The following LTBP1 variants were observed in gnomAD, a reference collection of about 807,000 sequenced individuals.
LTBP1 encodes latent transforming growth factor beta binding protein 1.
Under a neutral mutation model 207.6 loss-of-function variants are expected in LTBP1, and 129 were observed. That is an observed-to-expected ratio of 0.62 (90% CI 0.54 to 0.72). LTBP1 has a LOEUF of 0.72. LTBP1 is among the 30% of genes least tolerant of loss of function. The pLI, the probability that LTBP1 is intolerant of heterozygous loss-of-function variation, is 0.00. For synonymous variants in LTBP1, 963 were observed against 833.7 expected (o/e 1.16, Z -2.67); for missense variants, 2,281 against 2,217.2 (o/e 1.03, Z -0.58).
chr2:33,008,414 T>G (rs1013216247), intron 2 of LTBP1, among the ~76,000 whole-genome samples: 3 of 152,160 alleles, frequency 2.0e-5, no homozygotes, highest in African/African-American at 7.2e-5. Context: ...ATTTCTTTTT[T>G]AAAAAAATAT....
intron 3 of LTBP1, among the ~76,000 whole-genome samples, chr2:33,054,880 C>G (rs905825078): frequency 3.3e-5 from 5 of 152,188 alleles, no homozygotes; most frequent in African/African-American, 1.2e-4. Context: ...GAACCTTCAT[C>G]CTCTGGAGCA....
intron 9 of LTBP1, among the ~76,000 whole-genome samples, chr2:33,237,713 A>G (rs974118871): frequency 8.5e-5 from 13 of 152,178 alleles, no homozygotes; most frequent in Non-Finnish European, 1.9e-4. Context: ...TGGGGTTGAT[A>G]TATTTGTGAA....
intron 4 of LTBP1, among the ~76,000 whole-genome samples, chr2:33,124,967 GA>G (rs2081347115): frequency 6.6e-6 from 1 of 152,192 alleles, no homozygotes; most frequent in East Asian, 1.9e-4. Context: ...TTGTCTTCCA[GA>G]TAAAGATCTT....
At chr2:33,339,550 A>G (rs1030819875) in intron 24 of LTBP1, among the ~76,000 whole-genome samples, 9 of 152,200 alleles carry the variant, frequency 5.9e-5, no homozygotes, top group Non-Finnish European at 1.3e-4. Context: ...TCATGCTGAC[A>G]TTGAAAATCA....
rs138124833 is a variant in LTBP1 at position 33,019,598 on chromosome 2, G to A, written c.566-1311G>A. 4.4e-3 allele frequency among the ~76,000 whole-genome samples: 667 copies of A among 152,186 alleles called. 8 individuals are homozygous for A. The highest frequency in any genetic ancestry group is 0.015 in the African/African-American group (618 of 41,528). ...GATCCACCGGGCTCCGTCTCCCAAA[G>A]TGCTAGGATTACAGGCGTGAGCCAC... On this transcript the variant is annotated intron_variant, in intron 2 of 33. Coordinates refer to ENST00000404816, the MANE Select transcript of LTBP1 (RefSeq NM_206943.4).
chr2:32,989,639 C>T (rs1684105965), intron 2 of LTBP1, among the ~76,000 whole-genome samples: 1 of 152,132 alleles, frequency 6.6e-6, no homozygotes, highest in Non-Finnish European at 1.5e-5. Flanking sequence ...GTCCCTTTCT[C>T]CTTTCAGTGC....
At chr2:33,050,882 C>T (rs2076702838) in intron 3 of LTBP1, among the ~76,000 whole-genome samples, 1 of 152,058 alleles carries the variant, frequency 6.6e-6, no homozygotes, top group Admixed American at 6.5e-5. Flanking sequence ...TACAGGCGGG[C>T]ATCACCATGC....
chr2:32,953,915 C>T (rs1246025535), intron 2 of LTBP1, among the ~76,000 whole-genome samples: 1 of 152,192 alleles, frequency 6.6e-6, no homozygotes, highest in Non-Finnish European at 1.5e-5. Flanking sequence ...AGTGTGAGGG[C>T]TATGTCACCA....
chr2:33,216,671 G>A (rs1052270480), intron 7 of LTBP1, among the ~76,000 whole-genome samples: 3 of 152,240 alleles, frequency 2.0e-5, no homozygotes, highest in Non-Finnish European at 2.9e-5. Context: ...AGACAAAAAT[G>A]TGGGGTGTGT....
At chr2:33,012,376 A>G (rs1358077568) in intron 2 of LTBP1, among the ~76,000 whole-genome samples, 2 of 152,182 alleles carry the variant, frequency 1.3e-5, no homozygotes, top group South Asian at 4.2e-4. Context: ...GGAGGTGTGT[A>G]GTCACATTTT....
At position 33,309,519 on chromosome 2, in the gene LTBP1, G is replaced by A. The variant is rs766781586; in HGVS notation, c.3567G>A (p.Pro1189=). 14 of 1,609,394 alleles carry A rather than the reference G, an allele frequency of 8.7e-6. No individual in the cohort carries two copies. The highest frequency in any genetic ancestry group is 4.4e-5 in the South Asian group (4 of 89,986). The change falls in exon 23 of 34, where the codon CCG becomes CCA. Residue 1189 remains proline (P), a synonymous_variant. Transcript: ENST00000404816. Reference sequence around the variant, plus strand: ...CAGGGTCCTATGATTGTACTTGTCCGGATGGATTTCAGCTAGATGACAATA... The same window carrying A: ...CAGGGTCCTATGATTGTACTTGTCCAGATGGATTTCAGCTAGATGACAATA... The part of the protein sequence containing the change: ...NTAGSYDCTC[P]DGFQLDDNKT...
At chr2:33,138,640 C>G (rs1396978801) in intron 5 of LTBP1, among the ~76,000 whole-genome samples, 2 of 151,996 alleles carry the variant, frequency 1.3e-5, no homozygotes, top group Non-Finnish European at 2.9e-5. Flanking sequence ...GTTCCTCTGA[C>G]AAGAAGAACA....
chr2:33,230,319 A>T (rs1435489956), intron 9 of LTBP1, among the ~76,000 whole-genome samples: 3 of 152,316 alleles, frequency 2.0e-5, no homozygotes, highest in East Asian at 3.9e-4. Flanking sequence ...AACCAACTGT[A>T]TACATGTTAA....
intron 24 of LTBP1, among the ~76,000 whole-genome samples, chr2:33,327,154 G>C (rs564183530): frequency 1.3e-5 from 2 of 152,300 alleles, no homozygotes; most frequent in South Asian, 4.1e-4. Context: ...TGGGAAGGGG[G>C]TGAGTCCAGT....
chr2:32,993,817 C>G (rs970656450), intron 2 of LTBP1, among the ~76,000 whole-genome samples: 4 of 152,188 alleles, frequency 2.6e-5, no homozygotes, highest in African/African-American at 9.7e-5. Context: ...TTGGAACCAG[C>G]TCAGGGTCAC....
intron 5 of LTBP1, among the ~76,000 whole-genome samples, chr2:33,172,656 A>C (rs2085578753): frequency 6.6e-6 from 1 of 152,212 alleles, no homozygotes; most frequent in East Asian, 1.9e-4. Flanking sequence ...AAGCAGACCT[A>C]ATAGACATCT....
chr2:33,309,018 C>G (rs1377732824), intron 22 of LTBP1, among the ~76,000 whole-genome samples: 5 of 152,090 alleles, frequency 3.3e-5, no homozygotes, highest in African/African-American at 1.2e-4. Context: ...TGTGGTGGCT[C>G]ATGTCTGTAA....
At chr2:33,215,564 A>C (rs1238625899) in intron 7 of LTBP1, among the ~76,000 whole-genome samples, 2 of 152,158 alleles carry the variant, frequency 1.3e-5, no homozygotes, top group Non-Finnish European at 2.9e-5. Context: ...TGGACCTGGC[A>C]GAAAAGAAAC....
At chr2:33,042,374 G>A (rs1411522668) in intron 3 of LTBP1, among the ~76,000 whole-genome samples, 1 of 152,200 alleles carries the variant, frequency 6.6e-6, no homozygotes, top group Non-Finnish European at 1.5e-5. Context: ...TGGGGCAAGA[G>A]TGATGAAGAT....
Sources: gnomAD v4.1 joint callset for allele counts (sites outside exome capture counted in the v4.1 genomes callset) on GRCh38, gnomAD v4.1.1 for gene constraint, MANE v1.5 for transcripts, NCBI Gene and HGNC (gene_info 2026-07-23, HGNC 2026-07-21) for gene names.